MCF2L: variants seen among roughly 807,000 people sequenced by gnomAD.
MCF2L encodes guanine nucleotide exchange factor DBS.
MCF2L carries 97 observed loss-of-function variants against 153.4 expected under a neutral mutation model. The ratio of observed to expected loss-of-function variants is 0.63; its 90% CI spans 0.54 to 0.75. MCF2L has a LOEUF of 0.75. Ranked by LOEUF, MCF2L falls within the 30% of genes least tolerant of loss-of-function variation. MCF2L has a pLI of 0.00. For missense variants in MCF2L, 1,347 were observed against 1,495.2 expected (o/e 0.90, Z 1.64); for synonymous variants, 659 against 632.2 (o/e 1.04, Z -0.64).
intron 20 of MCF2L, among the ~76,000 whole-genome samples, chr13:113,085,816 C>T (rs1309646607): frequency 2.3e-5 from 2 of 85,342 alleles, no homozygotes; most frequent in Non-Finnish European, 5.1e-5. Context: ...GGGTTTGCAC[C>T]TGGCATCCGG....
At chr13:112,996,245 C>T (rs907780657) in intron 1 of MCF2L, among the ~76,000 whole-genome samples, 2 of 152,130 alleles carry the variant, frequency 1.3e-5, no homozygotes, top group East Asian at 3.9e-4. Flanking sequence ...ACTTGAGCTC[C>T]GGAGATCAAG....
At chr13:113,080,589 C>T (rs1205381392) in intron 15 of MCF2L, among the ~76,000 whole-genome samples, 1 of 152,236 alleles carries the variant, frequency 6.6e-6, no homozygotes, top group Non-Finnish European at 1.5e-5. Context: ...TGCTCACACC[C>T]ACAGCAAGAC....
intron 13 of MCF2L, among the ~76,000 whole-genome samples, 156 bp downstream of exon 13, chr13:113,077,367 C>T (rs536090714): frequency 2.0e-5 from 3 of 152,356 alleles, no homozygotes; most frequent in South Asian, 4.1e-4. Context: ...GCCTGAGGGC[C>T]GGTTCCCGCC....
chr13:113,050,689 GGGAGCGGGGAGGCGGGA>G lies in MCF2L; in HGVS notation c.369+5334_369+5350del, dbSNP rs1362618845. On this transcript the variant is annotated intron_variant, in intron 4 of 29. Coordinates refer to ENST00000535094, the MANE Select transcript of MCF2L (RefSeq NM_001112732.3). ...GGGCGGTGGAGGGGGGGGTGGCTGGGGGAGCGGGGAGGCGGGAGGAGCAGGGGGGGCGGGGGCGGGGG... is the reference window on the plus strand; with the variant it reads ...GGGCGGTGGAGGGGGGGGTGGCTGGGGGAGCAGGGGGGGCGGGGGCGGGGG... Among the ~76,000 whole-genome samples the G allele has an allele frequency of 4.8e-5, 4 of 82,570 alleles. No homozygotes were observed. The South Asian group carries it at 1.9e-3, about 39-fold the overall frequency. 54.2% of individuals were successfully genotyped at this position (82,570 alleles called of 152,430 possible).
intron 3 of MCF2L, among the ~76,000 whole-genome samples, chr13:113,036,494 CAG>C (rs145390731): frequency 0.011 from 1,722 of 152,280 alleles, 29 homozygotes; most frequent in African/African-American, 0.04. Context: ...CAACTGGGCA[CAG>C]AGAGCAGGAG....
In MCF2L at chr13:113,035,733, T is replaced by C. The variant is rs2086116151; in HGVS notation, c.279-9538T>C. 6.6e-6 allele frequency among the ~76,000 whole-genome samples: 1 copy of C among 152,204 alleles called. No individual in the cohort carries two copies. ...TGGAGATTTTAAGGTCTTACTGTGG[T>C]GTGAGCGATCAGAGACCCCAGTGTT... On this transcript the variant is annotated intron_variant, in intron 3 of 29. Coordinates refer to ENST00000535094, the MANE Select transcript of MCF2L (RefSeq NM_001112732.3). The surrounding 1 kb of genome is among the most constrained non-coding windows in gnomAD (Gnocchi z 4.4).
intron 20 of MCF2L, 29 bp downstream of exon 20, chr13:113,085,207 CT>C (rs1260699311): frequency 6.3e-7 from 1 of 1,598,152 alleles, no homozygotes; most frequent in Non-Finnish European, 8.6e-7. Flanking sequence ...GTGGCCCGGC[CT>C]CCCCAGCACC....
chr13:112,993,514 C>T lies in MCF2L; in HGVS notation c.80-21249C>T, dbSNP rs963551565. The stretch of plus-strand genomic sequence containing the variant: ...CTTAGGACCACCCTAGTCGTTCAGG[C>T]GTGGGATGAGGCTCCAGGATCGCAG... On this transcript the variant is annotated intron_variant, in intron 1 of 29. Transcript: ENST00000535094. The surrounding 1 kb of genome is among the most constrained non-coding windows in gnomAD (Gnocchi z 4.6). 1.3e-5 allele frequency among the ~76,000 whole-genome samples: 2 copies of T among 151,338 alleles called. No homozygotes were observed. Among genetic ancestry groups the T allele is most frequent in the African/African-American group, 4.9e-5 (2 of 41,106 alleles).
rs1265206881 is a variant in MCF2L, at chr13:112,977,827, G to T, written c.79+8369G>T. ...CCAACATTTAGGGCTTGATTTCCTG[G>T]TTATTCAAAGAGGCCCTTGGAGGCT... On this transcript the variant is annotated intron_variant, in intron 1 of 29. Coordinates refer to ENST00000535094, the MANE Select transcript of MCF2L (RefSeq NM_001112732.3). 2.0e-5 allele frequency among the ~76,000 whole-genome samples: 3 copies of T among 152,212 alleles called. 1 individual carries two copies. Among genetic ancestry groups the T allele is most frequent in the Non-Finnish European group, 4.4e-5 (3 of 68,052 alleles).
intron 2 of MCF2L, among the ~76,000 whole-genome samples, chr13:112,914,535 A>G (rs2081270456): frequency 6.6e-6 from 1 of 152,228 alleles, no homozygotes; most frequent in African/African-American, 2.4e-5. Flanking sequence ...GCTTTTTGAC[A>G]GTATTCCTCA....
At chr13:112,902,959 C>A (rs1014416672) in intron 2 of MCF2L, among the ~76,000 whole-genome samples, 1 of 152,196 alleles carries the variant, frequency 6.6e-6, no homozygotes, top group Non-Finnish European at 1.5e-5. Context: ...CCCTGCCTGT[C>A]TGAATGTTCT....
intron 1 of MCF2L, chr13:113,009,059 C>G (rs375154692): frequency 2.6e-5 from 4 of 152,304 alleles, no homozygotes; most frequent in Non-Finnish European, 5.9e-5. Context: ...TGCGGATGTG[C>G]GAGTCCTCCC....
At chr13:112,937,924 A>T (rs74400946) in intron 2 of MCF2L, among the ~76,000 whole-genome samples, 1 of 7,848 alleles carries the variant, frequency 1.3e-4, no homozygotes, top group Non-Finnish European at 2.8e-4. Flanking sequence ...TGGTTGGTTC[A>T]TTCAGGTGAT....
upstream of MCF2L, among the ~76,000 whole-genome samples, chr13:112,968,146 G>GGA (rs1555355468): frequency 1.3e-5 from 2 of 148,302 alleles, no homozygotes; most frequent in East Asian, 4.0e-4. Context: ...GTGAGGTGGG[G>GGA]GGGGGGGTCT....
At chr13:112,916,978 T>G in intron 2 of MCF2L, 1 of 439,290 alleles carries the variant, frequency 2.3e-6, no homozygotes, top group East Asian at 7.0e-5. Context: ...CTGGTCTGTG[T>G]CCCCATCCCT....
chr13:113,066,389 G>A (rs1428957318), intron 8 of MCF2L, among the ~76,000 whole-genome samples: 5 of 152,214 alleles, frequency 3.3e-5, no homozygotes, highest in African/African-American at 7.2e-5. Context: ...CCCACAGAAA[G>A]CCACTGTTTT....
At chr13:113,079,877 CCG>C (rs2033932983) in intron 15 of MCF2L, among the ~76,000 whole-genome samples, 5 of 80,598 alleles carry the variant, frequency 6.2e-5, no homozygotes, top group Non-Finnish European at 1.1e-4. Context: ...AGAGGGGCAT[CCG>C]CACAGAGGAG....
chr13:113,057,385 GTGTT>G (rs529117313), intron 4 of MCF2L, among the ~76,000 whole-genome samples: 51 of 148,220 alleles, frequency 3.4e-4, no homozygotes, highest in Non-Finnish European at 5.5e-4. Context: ...TGGGCACTGA[GTGTT>G]TGGGTGCTGA....
At chr13:112,968,467 G>T (rs567910974), upstream of MCF2L, 36 of 1,589,366 alleles carry the variant, frequency 2.3e-5, no homozygotes, top group South Asian at 3.8e-4. Context: ...TGCCAACCAT[G>T]GCGAGGGTGG....
Sources: allele counts gnomAD v4.1 joint callset (sites outside exome capture counted in the v4.1 genomes callset), GRCh38; gene constraint gnomAD v4.1.1; non-coding constraint Gnocchi (gnomAD v3.1); transcripts MANE v1.5; gene names NCBI Gene and HGNC (gene_info 2026-07-23, HGNC 2026-07-21).